GMDS: variants seen among roughly 807,000 people sequenced by gnomAD.
The protein encoded by GMDS is GDP-mannose 4,6-dehydratase, also known as GDP-mannose 4,6 dehydratase.
GMDS carries 20 observed loss-of-function variants against 49.9 expected under a neutral mutation model. The observed-to-expected ratio is 0.40, with a 90% CI of 0.28 to 0.58. The LOEUF is 0.58. Ranked by LOEUF, GMDS falls within the 20% of genes least tolerant of loss-of-function variation. The pLI is 0.42. For synonymous variants in GMDS, 177 were observed against 178.6 expected, an observed-to-expected ratio of 0.99 and a Z score of 0.07; for missense variants, 362 against 481.4, an observed-to-expected ratio of 0.75 and a Z score of 2.32.
chr6:1,970,965 A>C (rs1381955297), intron 4 of GMDS, among the ~76,000 whole-genome samples: 1 of 113,030 alleles, frequency 8.8e-6, no homozygotes, highest in Non-Finnish European at 1.7e-5. Flanking sequence ...AAAGAGAAAA[A>C]GTAGGGTCCA....
intron 7 of GMDS, among the ~76,000 whole-genome samples, chr6:1,745,730 T>C (rs1353779233): frequency 3.3e-5 from 5 of 152,232 alleles, no homozygotes; most frequent in Admixed American, 3.3e-4. Flanking sequence ...AGAGAAAGGA[T>C]ATACAACTCC....
chr6:1,821,334 G>C (rs1770878751), intron 7 of GMDS, among the ~76,000 whole-genome samples: 1 of 152,104 alleles, frequency 6.6e-6, no homozygotes, highest in African/African-American at 2.4e-5. Flanking sequence ...TGAGCGGAGA[G>C]GCTGAATTCA....
intron 9 of GMDS, among the ~76,000 whole-genome samples, chr6:1,725,561 G>A (rs1194473027): frequency 1.3e-5 from 2 of 152,094 alleles, no homozygotes; most frequent in African/African-American, 4.8e-5. Context: ...AGCCTCCCGA[G>A]TAGTGGGGAT....
chr6:1,713,089 A>G (rs1766030532), intron 9 of GMDS, among the ~76,000 whole-genome samples: 1 of 152,214 alleles, frequency 6.6e-6, no homozygotes, highest in African/African-American at 2.4e-5. Context: ...TGTCAGACTG[A>G]CAAGTCAGAA....
intron 6 of GMDS, among the ~76,000 whole-genome samples, chr6:1,956,653 G>A (rs1763654809): frequency 6.6e-6 from 1 of 152,056 alleles, no homozygotes; most frequent in East Asian, 1.9e-4. Flanking sequence ...TAATAACAGG[G>A]AACAAGAAGA....
At chr6:2,172,686 C>A (rs368979258) in intron 1 of GMDS, among the ~76,000 whole-genome samples, 1 of 151,208 alleles carries the variant, frequency 6.6e-6, no homozygotes, top group African/African-American at 2.4e-5. Flanking sequence ...AGTGAGGCTC[C>A]ATCTCCAAAA....
intron 3 of GMDS, 40 bp downstream of exon 3, chr6:2,117,429 A>T: frequency 8.7e-7 from 1 of 1,147,584 alleles, no homozygotes; most frequent in Non-Finnish European, 1.3e-6. Flanking sequence ...ATCTGAAAAC[A>T]CCTTATAGAA....
intron 4 of GMDS, among the ~76,000 whole-genome samples, chr6:2,082,828 C>A (rs996089048): frequency 1.3e-5 from 2 of 152,114 alleles, no homozygotes; most frequent in Admixed American, 6.5e-5. Context: ...TAAACAAAAG[C>A]CTTCAAAATA....
At chr6:1,801,728 A>G (rs1769958818) in intron 7 of GMDS, among the ~76,000 whole-genome samples, 2 of 152,208 alleles carry the variant, frequency 1.3e-5, no homozygotes, top group Admixed American at 1.3e-4. Flanking sequence ...TTCCAAGACT[A>G]TGTTTTCCGC....
intron 8 of GMDS, among the ~76,000 whole-genome samples, chr6:1,734,412 G>A (rs961848069): frequency 6.6e-6 from 1 of 152,210 alleles, no homozygotes; most frequent in African/African-American, 2.4e-5. Flanking sequence ...CATATGCCAA[G>A]AGGCAGGCAA....
At chr6:1,901,887 C>T (rs1411372374) in intron 7 of GMDS, among the ~76,000 whole-genome samples, 1 of 152,218 alleles carries the variant, frequency 6.6e-6, no homozygotes, top group East Asian at 1.9e-4. Context: ...TAATCAGTTA[C>T]TGCTATGGAG....
intron 1 of GMDS, among the ~76,000 whole-genome samples, chr6:2,140,495 T>C (rs1390915596): frequency 1.3e-5 from 2 of 152,190 alleles, no homozygotes; most frequent in Non-Finnish European, 2.9e-5. Flanking sequence ...TAATACAGCT[T>C]AGAACCTCTC....
At chr6:2,173,705 G>A (rs560679040) in intron 1 of GMDS, among the ~76,000 whole-genome samples, 1 of 152,322 alleles carries the variant, frequency 6.6e-6, no homozygotes, top group African/African-American at 2.4e-5. Flanking sequence ...ATAATCAAGA[G>A]TCAAGGAAAA....
intron 9 of GMDS, among the ~76,000 whole-genome samples, chr6:1,714,472 C>T (rs1383820942): frequency 3.9e-5 from 6 of 151,904 alleles, no homozygotes; most frequent in Middle Eastern, 3.2e-3. Context: ...ACCAGGTTTC[C>T]GGAAGACCTT....
intron 7 of GMDS, among the ~76,000 whole-genome samples, chr6:1,896,949 G>T (rs1760230779): frequency 6.6e-6 from 1 of 152,226 alleles, no homozygotes; most frequent in South Asian, 2.1e-4. Flanking sequence ...TTGTAGGGAA[G>T]ACGAGGGCAG....
chr6:1,885,906 C>T (rs1269501622), intron 7 of GMDS, among the ~76,000 whole-genome samples: 2 of 152,174 alleles, frequency 1.3e-5, no homozygotes, highest in African/African-American at 4.8e-5. Context: ...CACCAGGCTG[C>T]ACTGACACAG....
intron 9 of GMDS, among the ~76,000 whole-genome samples, chr6:1,671,212 G>A (rs1483660250): frequency 6.6e-6 from 1 of 152,142 alleles, no homozygotes; most frequent in African/African-American, 2.4e-5. Flanking sequence ...CTACAAAGAC[G>A]CCTGCCCTTC....
chr6:1,650,193 T>C (rs1293679727), intron 9 of GMDS, among the ~76,000 whole-genome samples: 1 of 152,088 alleles, frequency 6.6e-6, no homozygotes, highest in Admixed American at 6.6e-5. Flanking sequence ...AGCAACTGCA[T>C]TTATCGTACC....
chr6:1,758,458 C>A (rs1395202781), intron 7 of GMDS, among the ~76,000 whole-genome samples: 2 of 152,192 alleles, frequency 1.3e-5, no homozygotes, highest in Non-Finnish European at 2.9e-5. Context: ...GGAGTAAACA[C>A]CTGAGAAACC....
Sources: allele counts gnomAD v4.1 joint callset (sites outside exome capture counted in the v4.1 genomes callset), GRCh38; gene constraint gnomAD v4.1.1; transcripts MANE v1.5; gene names NCBI Gene and HGNC (gene_info 2026-07-23, HGNC 2026-07-21).